The following LRP2 variants were observed in gnomAD, a reference collection of about 807,000 sequenced individuals.
The protein encoded by LRP2 is LDL receptor related protein 2.
Under a neutral mutation model 531.0 loss-of-function variants are expected in LRP2, and 172 were observed. The observed-to-expected ratio is 0.32, with a 90% CI of 0.29 to 0.37. The LOEUF is 0.37. Among genes scored for constraint, LRP2 ranks in the 10% least tolerant of loss-of-function variants. The pLI, the probability that LRP2 is intolerant of heterozygous loss-of-function variation, is 1.00. For missense variants in LRP2, 5,167 were observed against 5,868.3 expected (o/e 0.88, Z 3.90); for synonymous variants, 1,992 against 2,027.6 (o/e 0.98, Z 0.47).
At chr2:169,153,014 A>G (rs1686202487) in intron 66 of LRP2, 50 bp from the exon 67 acceptor site, 1 of 1,557,218 alleles carries the variant, frequency 6.4e-7, no homozygotes, top group Non-Finnish European at 8.9e-7. Context: ...CATCAAGTAA[A>G]GGAAGAACAG....
chr2:169,217,020 C>T (rs181341181), intron 34 of LRP2, among the ~76,000 whole-genome samples: 74 of 152,186 alleles, frequency 4.9e-4, no homozygotes, highest in Non-Finnish European at 8.4e-4. Context: ...GTAAGGAAGA[C>T]TTCTTTTTTC....
At chr2:169,358,201 T>G (rs1574287504) in intron 1 of LRP2, among the ~76,000 whole-genome samples, 2 of 152,296 alleles carry the variant, frequency 1.3e-5, no homozygotes, top group East Asian at 3.9e-4. Flanking sequence ...CTGGGGACAT[T>G]CAGAAGGCAT....
intron 71 of LRP2, among the ~76,000 whole-genome samples, chr2:169,141,619 C>T (rs1396888186): frequency 1.3e-5 from 2 of 152,142 alleles, no homozygotes; most frequent in African/African-American, 4.8e-5. Context: ...TTAATAAAAT[C>T]CACTTGGCAA....
At chr2:169,179,687 T>C (rs1413805554) in intron 52 of LRP2, among the ~76,000 whole-genome samples, 1 of 150,856 alleles carries the variant, frequency 6.6e-6, no homozygotes, top group South Asian at 2.1e-4. Flanking sequence ...GCCATCGCAC[T>C]TCAGCCTGGG....
intron 3 of LRP2, among the ~76,000 whole-genome samples, chr2:169,312,230 T>G (rs1219000826): frequency 6.6e-6 from 1 of 152,078 alleles, no homozygotes; most frequent in Non-Finnish European, 1.5e-5. Flanking sequence ...TATGTGTGAA[T>G]TTGATCCTGT....
At position 169,225,405 on chromosome 2, in the gene LRP2, C is replaced by G. The variant is rs1383642162; in HGVS notation, c.5443G>C (p.Ala1815Pro). ...KTDGTNRTVF[A>P]SISMVGPSMN... The stretch of plus-strand genomic sequence containing the variant: ...GAAGGCCCCACCATAGATATAGAAG[C>G]AAATACTGTCCTGTTGGTGCCATCT... The change falls in exon 33 of 79, where the codon GCT becomes CCT. Residue 1815 changes from alanine (A) to proline (P), a missense_variant. Coordinates refer to ENST00000649046, the MANE Select transcript of LRP2 (RefSeq NM_004525.3). The G allele has an allele frequency of 6.2e-7, 1 of 1,614,038 alleles. No individual in the cohort carries two copies. The highest frequency in any genetic ancestry group is 1.1e-5 in the South Asian group (1 of 91,084).
intron 1 of LRP2, among the ~76,000 whole-genome samples, chr2:169,321,139 A>G (rs1684897995): frequency 6.6e-6 from 1 of 152,220 alleles, no homozygotes; most frequent in Non-Finnish European, 1.5e-5. Context: ...CAGTTTGACA[A>G]CACGTATCTT....
chr2:169,196,878 C>T (rs767843399), intron 46 of LRP2, 33 bp downstream of exon 46: 45 of 1,613,430 alleles, frequency 2.8e-5, no homozygotes, highest in Non-Finnish European at 3.7e-5. Context: ...CTAGCTGCAT[C>T]GTGATGTTTT....
At chr2:169,322,281 G>A (rs1684926599) in intron 1 of LRP2, among the ~76,000 whole-genome samples, 1 of 152,180 alleles carries the variant, frequency 6.6e-6, no homozygotes, top group South Asian at 2.1e-4. Context: ...TCTATTTCTA[G>A]GGTATATAGG....
In LRP2 at chr2:169,292,239, C is replaced by A; in HGVS notation, c.769+14G>T. ...AGAAAATGCTTTTCAGTAGGAATCT[C>A]TTCCCCTCCTTACCACATCCATCTT... On this transcript the variant is annotated intron_variant, in intron 7 of 78. Coordinates refer to ENST00000649046, the MANE Select transcript of LRP2 (RefSeq NM_004525.3). 6.5e-7 allele frequency: 1 copy of A among 1,542,810 alleles called. No homozygotes were observed. The highest frequency in any genetic ancestry group is 9.0e-7 in the Non-Finnish European group (1 of 1,114,886).
chr2:169,192,771 A>G (rs185285361), intron 47 of LRP2, among the ~76,000 whole-genome samples: 20 of 152,346 alleles, frequency 1.3e-4, no homozygotes, highest in Admixed American at 4.6e-4. Context: ...TGGTAAAGAC[A>G]GGTGAGAGAA....
intron 6 of LRP2, among the ~76,000 whole-genome samples, chr2:169,293,464 T>C (rs1684053080): frequency 6.6e-6 from 1 of 152,058 alleles, no homozygotes; most frequent in African/African-American, 2.4e-5. Context: ...TCACTTGAGA[T>C]CAGGAGTTCG....
intron 1 of LRP2, among the ~76,000 whole-genome samples, chr2:169,350,133 T>C (rs181139191): frequency 1.3e-5 from 2 of 152,312 alleles, no homozygotes; most frequent in Admixed American, 1.3e-4. Context: ...AGGAATTCTA[T>C]ATGGGGTAGA....
chr2:169,261,668 A>G (rs917476228), intron 16 of LRP2, among the ~76,000 whole-genome samples: 2 of 152,184 alleles, frequency 1.3e-5, no homozygotes, highest in African/African-American at 4.8e-5. Context: ...CAGAGGTACA[A>G]GGAGGAACTG....
chr2:169,140,470 T>C lies in LRP2; in HGVS notation c.13184A>G (p.Asp4395Gly), dbSNP rs772167727. ...TCAGACTTACTTGCATTTGGGGAGGTCAGTCTCATCAAAATAGCAATTTCC... is the reference window on the plus strand; with the variant it reads ...TCAGACTTACTTGCATTTGGGGAGGCCAGTCTCATCAAAATAGCAATTTCC... ...HGGNCYFDET[D>G]LPKCKCPSGY... is the part of the protein sequence containing the mutation. Residue 4395 changes from aspartate to glycine, a missense_variant, in exon 72 of 79, where the codon GAC (aspartate) becomes GGC (glycine). By Grantham distance (94) the Asp-to-Gly change is moderately conservative. Around this residue, in one of 6 missense-constraint regions of LRP2, gnomAD observed 348 missense variants for 369.3 expected, o/e 0.94. Transcript: ENST00000649046. The C allele has an allele frequency of 6.2e-7, 1 of 1,613,842 alleles. No individual in the cohort carries two copies. Among genetic ancestry groups the C allele is most frequent in the Non-Finnish European group, 8.5e-7 (1 of 1,179,862 alleles).
intron 16 of LRP2, among the ~76,000 whole-genome samples, chr2:169,264,030 G>C (rs1487134274): frequency 6.6e-6 from 1 of 152,010 alleles, no homozygotes; most frequent in Non-Finnish European, 1.5e-5. Flanking sequence ...CTCACTCATA[G>C]GTGGGAATTG....
Position 169,139,162 on chromosome 2 carries a change from T to C in LRP2, c.13388+89A>G, listed in dbSNP as rs371227024. The C allele has an allele frequency of 3.6e-5, 58 of 1,595,336 alleles. No homozygotes were observed. In the East Asian group the frequency reaches 6.9e-4, roughly 19 times the overall value. ...TCGGTGAACTGCGTATTGTGCTTTT[T>C]TAACTTAGAAAGAAAACTAAGTCCT... On this transcript the variant is annotated intron_variant, in intron 74 of 78. Transcript: ENST00000649046.
chr2:169,259,417 T>G (rs1463178667), intron 16 of LRP2, among the ~76,000 whole-genome samples, 200 bp from the exon 17 acceptor site: 1 of 151,226 alleles, frequency 6.6e-6, no homozygotes, highest in African/African-American at 2.4e-5. Context: ...ATCTATCCAT[T>G]CCTCAAACTT....
At chr2:169,141,248 G>A (rs1685708616) in intron 71 of LRP2, among the ~76,000 whole-genome samples, 1 of 152,196 alleles carries the variant, frequency 6.6e-6, no homozygotes, top group Non-Finnish European at 1.5e-5. Context: ...TCCACTCAAT[G>A]TTCACTGTAT....
Sources: gnomAD v4.1 joint callset for allele counts (sites outside exome capture counted in the v4.1 genomes callset) on GRCh38, gnomAD v4.1.1 for gene constraint, gnomAD v4.1.1 regional missense constraint, MANE v1.5 for transcripts, NCBI Gene and HGNC (gene_info 2026-07-23, HGNC 2026-07-21) for gene names.